Variants in HERC2 observed in about 807,000 individuals in gnomAD.
HERC2 encodes E3 ubiquitin-protein ligase HERC2.
In HERC2, 102 loss-of-function variants were observed where a neutral mutation model predicts 537.7. The ratio of observed to expected loss-of-function variants is 0.19; its 90% CI spans 0.16 to 0.22. The LOEUF (loss-of-function observed/expected upper bound fraction) is 0.22, where lower values mean the gene tolerates loss of function less well. HERC2 is among the 10% of genes least tolerant of loss of function. The pLI, the probability that HERC2 is intolerant of heterozygous loss-of-function variation, is 1.00. For missense variants in HERC2, 4,236 were observed against 6,198.2 expected (o/e 0.68, Z 10.63); for synonymous variants, 2,224 against 2,466.2 (o/e 0.90, Z 2.91).
At chr15:28,297,187 T>C (rs574182500) in intron 3 of HERC2, among the ~76,000 whole-genome samples, 158 of 150,666 alleles carry the variant, frequency 1.0e-3, no homozygotes, top group African/African-American at 3.5e-3. Flanking sequence ...TGGGAACAAA[T>C]TGGTACATAA....
intron 56 of HERC2, among the ~76,000 whole-genome samples, chr15:28,184,681 GA>G (rs1896133690): frequency 6.6e-6 from 1 of 151,744 alleles, no homozygotes; most frequent in Admixed American, 6.6e-5. Flanking sequence ...CTAACACGGT[GA>G]AAGCCCGTCT....
In HERC2 at chr15:28,270,684, T is replaced by A. The variant is rs773608800; in HGVS notation, c.1257+11A>T. On this transcript the variant is annotated intron_variant, in intron 10 of 92. Transcript: ENST00000261609. ...CAAAACACATGGAGAACACGGTTCT[T>A]GCACACACACCTTATGAGATGTCGG... is the stretch of plus-strand genomic sequence containing the variant. 1 of 1,611,954 alleles carries A rather than the reference T, an allele frequency of 6.2e-7. No homozygotes were observed. Among genetic ancestry groups the A allele is most frequent in the African/African-American group, 1.3e-5 (1 of 74,876 alleles).
rs775067451 is a variant in HERC2, at chr15:28,132,235, C to T, written c.12435G>A (p.Val4145=). The change falls in exon 81 of 93, where the codon GTG becomes GTA. Residue 4145 remains valine (V), a synonymous_variant. Coordinates refer to ENST00000261609, the MANE Select transcript of HERC2 (RefSeq NM_004667.6). ...KLVEALQGHR[V]VDIACGSGDA... ...CTCCACTGCCACAGGCGATGTCAAC[C>T]ACACGGTGGCCCTGCAGCGCCTCCA... is the stretch of plus-strand genomic sequence containing the variant. 1 of 1,612,894 alleles carries T rather than the reference C, an allele frequency of 6.2e-7. No individual in the cohort carries two copies. The highest frequency in any genetic ancestry group is 8.5e-7 in the Non-Finnish European group (1 of 1,179,124).
At position 28,210,379 on chromosome 15, in the gene HERC2, G is replaced by T. The variant is rs187456374; in HGVS notation, c.7069+623C>A. Among the ~76,000 whole-genome samples, 4 of 152,176 alleles carry T rather than the reference G, an allele frequency of 2.6e-5. No homozygotes were observed. The East Asian group carries it at 7.7e-4, about 29-fold the overall frequency. On this transcript the variant is annotated intron_variant, in intron 44 of 92. Transcript: ENST00000261609. Reference sequence around the variant, plus strand: ...CTAGCTCCTGACCTCGTGATCCGCCGCCCGCCTCGGCCTCCCAAAGTGCAG... The same window carrying T: ...CTAGCTCCTGACCTCGTGATCCGCCTCCCGCCTCGGCCTCCCAAAGTGCAG...
At chr15:28,193,524 T>C (rs545695364) in intron 52 of HERC2, among the ~76,000 whole-genome samples, 12 of 151,946 alleles carry the variant, frequency 7.9e-5, no homozygotes, top group East Asian at 1.9e-4. Flanking sequence ...CCCAAAAAGA[T>C]AGAAAAGAGA....
Position 28,274,299 on chromosome 15 carries a change from G to C in HERC2, c.792C>G (p.Val264=), listed in dbSNP as rs766205662. The stretch of plus-strand genomic sequence containing the variant: ...GAAAGGAAAGAACTCACCCCGTCAC[G>C]ACGGACCTGAGGAACCTGGTCGCTC... ...VERATRFLRS[V]VTGDVHGTPA... Residue 264 remains valine (V), a synonymous_variant, in exon 7 of 93, where the codon GTC becomes GTG. Coordinates refer to ENST00000261609, the MANE Select transcript of HERC2 (RefSeq NM_004667.6). 2 of 1,614,176 alleles carry C rather than the reference G, an allele frequency of 1.2e-6. No individual in the cohort carries two copies. The highest frequency in any genetic ancestry group is 1.3e-5 in the African/African-American group (1 of 75,070).
At chr15:28,254,721 T>A (rs535095945) in intron 19 of HERC2, among the ~76,000 whole-genome samples, 1 of 152,200 alleles carries the variant, frequency 6.6e-6, no homozygotes, top group Non-Finnish European at 1.5e-5. Context: ...TTTTACAGAA[T>A]CAAGGTCCAG....
At chr15:28,255,778 G>C in intron 19 of HERC2, 94 bp downstream of exon 19, 4 of 1,329,118 alleles carry the variant, frequency 3.0e-6, no homozygotes, top group Non-Finnish European at 4.1e-6. Flanking sequence ...TAAAAGTTTA[G>C]AGTTTTACTG....
chr15:28,261,589 G>A (rs1035493045), intron 15 of HERC2, among the ~76,000 whole-genome samples: 1 of 152,112 alleles, frequency 6.6e-6, no homozygotes, highest in African/African-American at 2.4e-5. Flanking sequence ...AACAAAAAAG[G>A]TGTTTCTCAA....
intron 2 of HERC2, among the ~76,000 whole-genome samples, chr15:28,313,622 A>T (rs1293773012): frequency 6.6e-6 from 1 of 152,256 alleles, no homozygotes. Context: ...TAATCTTCAA[A>T]TATTTGCAGA....
chr15:28,253,589 C>G (rs2075154139), intron 20 of HERC2, among the ~76,000 whole-genome samples: 1 of 152,200 alleles, frequency 6.6e-6, no homozygotes, highest in African/African-American at 2.4e-5. Context: ...CAGAATATTC[C>G]TTCAACCACC....
chr15:28,275,490 T>C (rs138567063), intron 5 of HERC2, among the ~76,000 whole-genome samples: 23 of 152,330 alleles, frequency 1.5e-4, no homozygotes, highest in African/African-American at 3.8e-4. Context: ...CTATGGGGCA[T>C]TGCCCTCTTC....
In HERC2 at chr15:28,214,266, G is replaced by A. The variant is rs762921100; in HGVS notation, c.6365C>T (p.Thr2122Met). The change falls in exon 41 of 93, where the codon ACG becomes ATG. Residue 2122 changes from threonine to methionine, a missense_variant. Around this residue, in one of 27 missense-constraint regions of HERC2, gnomAD observed 365 missense variants for 468.8 expected, o/e 0.78. Transcript: ENST00000261609. ...SSDVPLLRES[T>M]LRRRRVRPQA... ...CGGGCGCACCCTGCGCCGCCTCAGC[G>A]TGGACTCTGAGGAGGAAACCAGGGG... The A allele has an allele frequency of 4.2e-5, 68 of 1,611,198 alleles. 1 individual carries two copies. In the Admixed American group the frequency reaches 4.5e-4, roughly 11 times the overall value.
At chr15:28,152,943 T>C in intron 69 of HERC2, 113 bp from the exon 70 acceptor site, 1 of 1,027,658 alleles carries the variant, frequency 9.7e-7, no homozygotes, top group Non-Finnish European at 1.4e-6. Context: ...CGTGGCAGAG[T>C]GGAGGGCTTG....
At chr15:28,239,614 A>G (rs1902842385) in intron 23 of HERC2, among the ~76,000 whole-genome samples, 1 of 146,598 alleles carries the variant, frequency 6.8e-6, no homozygotes, top group Non-Finnish European at 1.5e-5. Context: ...CGAGCATTAC[A>G]GGCCTCCTGA....
intron 2 of HERC2, among the ~76,000 whole-genome samples, chr15:28,303,888 G>A (rs539100933): frequency 9.2e-5 from 14 of 152,132 alleles, no homozygotes; most frequent in South Asian, 2.1e-4. Flanking sequence ...TGATTTGGCC[G>A]GGCACAGTGG....
chr15:28,129,780 C>CTTTTTTTTTTTTTTTTT (rs36068402), intron 83 of HERC2, among the ~76,000 whole-genome samples: 1 of 143,552 alleles, frequency 7.0e-6, no homozygotes, highest in African/African-American at 2.6e-5. Context: ...CCTCTGCCTC[C>CTTTTTTTTTTTTTTTTT]TTTTTTTTTT....
intron 52 of HERC2, among the ~76,000 whole-genome samples, chr15:28,192,999 A>G (rs904511940): frequency 1.3e-5 from 2 of 152,138 alleles, no homozygotes; most frequent in African/African-American, 4.8e-5. Context: ...GATTAAGGTA[A>G]GCCCAGATAG....
rs372909169 is a variant in HERC2, at chr15:28,115,422, G to A, written c.13722+7C>T. ...TAGAGGCCCCGCCTGCCGCCCCAGGGAGTTACCTCACTGAGGTCCGCGATG... is the reference window on the plus strand; with the variant it reads ...TAGAGGCCCCGCCTGCCGCCCCAGGAAGTTACCTCACTGAGGTCCGCGATG... On this transcript the variant is annotated splice_region_variant and intron_variant, in intron 89 of 92. Transcript: ENST00000261609. The A allele has an allele frequency of 7.5e-6, 12 of 1,608,364 alleles. No individual in the cohort carries two copies. The highest frequency in any genetic ancestry group is 1.0e-5 in the Non-Finnish European group (12 of 1,175,286).
Sources: gnomAD v4.1 joint callset for allele counts (sites outside exome capture counted in the v4.1 genomes callset) on GRCh38, gnomAD v4.1.1 for gene constraint, gnomAD v4.1.1 regional missense constraint, MANE v1.5 for transcripts, NCBI Gene and HGNC (gene_info 2026-07-23, HGNC 2026-07-21) for gene names.